The following NR6A1 variants were observed in gnomAD, a reference collection of about 807,000 sequenced individuals.
The protein encoded by NR6A1 is nuclear receptor subfamily 6 group A member 1, also known as retinoic acid receptor-related testis-associated receptor.
In NR6A1, 7 loss-of-function variants were observed where a neutral mutation model predicts 59.1. The observed-to-expected ratio is 0.12, with a 90% CI of 0.07 to 0.22. The LOEUF is 0.22. NR6A1 is among the 10% of genes least tolerant of loss of function. The probability of loss-of-function intolerance (pLI) is 1.00; values close to 1 mark genes in which losing one functional copy is unlikely to be tolerated. For synonymous variants in NR6A1, 243 were observed against 236.1 expected, an observed-to-expected ratio of 1.03 and a Z score of -0.27; for missense variants, 468 against 611.6, an observed-to-expected ratio of 0.77 and a Z score of 2.48.
chr9:124,636,226 A>C lies in NR6A1; in HGVS notation c.143-81656T>G, dbSNP rs181811407. Among the ~76,000 whole-genome samples, 451 of 152,314 alleles carry C rather than the reference A, an allele frequency of 3.0e-3. 2 individuals are homozygous for C. The highest frequency in any genetic ancestry group is 4.0e-3 in the Non-Finnish European group (275 of 68,016). On this transcript the variant is annotated intron_variant, in intron 2 of 9. Coordinates refer to ENST00000487099, the MANE Select transcript of NR6A1 (RefSeq NM_033334.4). ...TTATGTCTTTATTATTGAGTTTTAA[A>C]GGTTCTTTAGACATTTTTAAGTAAC...
At chr9:124,751,565 T>C (rs1840499323) in intron 1 of NR6A1, among the ~76,000 whole-genome samples, 1 of 152,214 alleles carries the variant, frequency 6.6e-6, no homozygotes, top group Admixed American at 6.5e-5. Flanking sequence ...GCAAGAATTA[T>C]ATATTCTAGC....
chr9:124,738,413 T>C (rs182540730), intron 1 of NR6A1, among the ~76,000 whole-genome samples: 1 of 152,326 alleles, frequency 6.6e-6, no homozygotes, highest in East Asian at 1.9e-4. Flanking sequence ...GGTCTTTGTA[T>C]GGTGACTTAA....
intron 2 of NR6A1, among the ~76,000 whole-genome samples, chr9:124,580,803 G>A (rs1834742092): frequency 6.6e-6 from 1 of 152,014 alleles, no homozygotes; most frequent in African/African-American, 2.4e-5. Flanking sequence ...CTGGGCAACA[G>A]AGTGAGACTC....
At chr9:124,551,101 AT>A (rs61238680) in intron 3 of NR6A1, among the ~76,000 whole-genome samples, 2,474 of 152,198 alleles carry the variant, frequency 0.016, 72 homozygotes, top group East Asian at 0.15. Context: ...CTCCAGGATC[AT>A]TTTATATTTC....
At chr9:124,762,097 C>A (rs12348722) in intron 1 of NR6A1, among the ~76,000 whole-genome samples, 5,640 of 152,226 alleles carry the variant, frequency 0.037, 331 homozygotes, top group African/African-American at 0.13. Context: ...ATCTTCTTTA[C>A]ACATTTCGTT....
chr9:124,548,645 G>A (rs1425205306), intron 3 of NR6A1, among the ~76,000 whole-genome samples: 8 of 152,146 alleles, frequency 5.3e-5, no homozygotes, highest in African/African-American at 1.4e-4. Context: ...TCTGTGTTGT[G>A]TCCTGGGGCA....
chr9:124,569,497 C>T (rs895946507), intron 2 of NR6A1, among the ~76,000 whole-genome samples: 1 of 152,190 alleles, frequency 6.6e-6, no homozygotes, highest in Non-Finnish European at 1.5e-5. Context: ...ATGGAGAATA[C>T]AGCCACTCGC....
At chr9:124,705,837 G>A (rs904742673) in intron 2 of NR6A1, among the ~76,000 whole-genome samples, 1 of 150,294 alleles carries the variant, frequency 6.7e-6, no homozygotes, top group African/African-American at 2.5e-5. Flanking sequence ...GTGCAGTGGT[G>A]TGATCTTGGC....
At chr9:124,617,650 G>T (rs1808337842) in intron 2 of NR6A1, among the ~76,000 whole-genome samples, 1 of 152,010 alleles carries the variant, frequency 6.6e-6, no homozygotes, top group Non-Finnish European at 1.5e-5. Flanking sequence ...AACCGCTGTG[G>T]GTGTCCTAGA....
At chr9:124,752,515 C>T (rs921691222) in intron 1 of NR6A1, among the ~76,000 whole-genome samples, 17 of 152,022 alleles carry the variant, frequency 1.1e-4, no homozygotes, top group African/African-American at 1.7e-4. Flanking sequence ...AACTACAACA[C>T]GCAATAAAAG....
Position 124,639,147 on chromosome 9 carries a change from C to T in NR6A1, c.143-84577G>A, listed in dbSNP as rs145870476. The stretch of plus-strand genomic sequence containing the variant: ...AAGTACTATTATATTTCTAGATAAC[C>T]GAAACTGAAGTAAGTACATGCTGGA... On this transcript the variant is annotated intron_variant, in intron 2 of 9. Coordinates refer to ENST00000487099, the MANE Select transcript of NR6A1 (RefSeq NM_033334.4). Among the ~76,000 whole-genome samples, 211 of 152,148 alleles carry T rather than the reference C, an allele frequency of 1.4e-3. 4 individuals are homozygous for T. In the East Asian group the frequency reaches 0.03, roughly 22 times the overall value.
At chr9:124,751,324 G>C (rs1840492286) in intron 1 of NR6A1, among the ~76,000 whole-genome samples, 1 of 152,200 alleles carries the variant, frequency 6.6e-6, no homozygotes, top group Non-Finnish European at 1.5e-5. Flanking sequence ...AACATAAACA[G>C]TTCAACATAT....
At chr9:124,633,402 C>CAAAAA (rs11337023) in intron 2 of NR6A1, among the ~76,000 whole-genome samples, 5 of 72,758 alleles carry the variant, frequency 6.9e-5, no homozygotes, top group East Asian at 3.8e-4. Context: ...AACTCCGTCT[C>CAAAAA]AAAAAAAAAA....
intron 1 of NR6A1, among the ~76,000 whole-genome samples, chr9:124,741,085 A>G (rs918120749): frequency 5.3e-5 from 8 of 152,232 alleles, no homozygotes; most frequent in Non-Finnish European, 2.9e-5. Context: ...AAAATGTCAT[A>G]TATCTACACT....
chr9:124,590,554 T>C (rs1835086879), intron 2 of NR6A1, among the ~76,000 whole-genome samples: 1 of 152,242 alleles, frequency 6.6e-6, no homozygotes, highest in Non-Finnish European at 1.5e-5. Context: ...AGGTGAGGAA[T>C]TCTAACTCAC....
chr9:124,722,522 C>T (rs1277751402), intron 2 of NR6A1, among the ~76,000 whole-genome samples: 1 of 152,102 alleles, frequency 6.6e-6, no homozygotes, highest in Non-Finnish European at 1.5e-5. Flanking sequence ...CTGGAAGAAT[C>T]CACAAAAAAA....
chr9:124,771,058 A>T lies in NR6A1; in HGVS notation c.62T>A (p.Leu21Gln), dbSNP rs974148297. ...GGGGGGSAGF[L>Q]EPPAALPPPP... ...CGGAGGGAGCGCGGCGGGAGGCTCC[A>T]GGAACCCCGCCGAGCCCCCGCCGCC... is the stretch of plus-strand genomic sequence containing the variant. Residue 21 changes from leucine to glutamine, a missense_variant, in exon 1 of 10, where the codon CTG (leucine) becomes CAG (glutamine). This residue lies in a region of NR6A1 where 75 missense variants were observed against 65.6 expected (regional missense o/e 1.14). Transcript: ENST00000487099. 89 of 1,230,190 alleles carry T rather than the reference A, an allele frequency of 7.2e-5. No individual in the cohort carries two copies. The highest frequency in any genetic ancestry group is 8.1e-5 in the Non-Finnish European group (80 of 987,116). 76.2% of individuals were successfully genotyped at this position (1,230,190 alleles called of 1,614,324 possible). A position where few individuals can be genotyped will look rare whatever the true frequency, so the allele number is the denominator to read the frequency against.
At chr9:124,616,317 C>G (rs572787251) in intron 2 of NR6A1, among the ~76,000 whole-genome samples, 1 of 150,270 alleles carries the variant, frequency 6.7e-6, no homozygotes, top group East Asian at 2.0e-4. Context: ...GCAGGAGAAT[C>G]GCTTGAACTC....
chr9:124,635,426 A>G (rs993480084), intron 2 of NR6A1, among the ~76,000 whole-genome samples: 14 of 152,162 alleles, frequency 9.2e-5, no homozygotes, highest in African/African-American at 2.9e-4. Context: ...TGATGATTCT[A>G]TAAGGGGCTT....
Sources: allele counts gnomAD v4.1 joint callset (sites outside exome capture counted in the v4.1 genomes callset), GRCh38; gene constraint gnomAD v4.1.1; regional missense constraint gnomAD v4.1.1; transcripts MANE v1.5; gene names NCBI Gene and HGNC (gene_info 2026-07-23, HGNC 2026-07-21).